The following RYR3 variants were observed in gnomAD, a reference collection of about 807,000 sequenced individuals.
RYR3 encodes ryanodine receptor 3.
Under a neutral mutation model 584.3 loss-of-function variants are expected in RYR3, and 207 were observed. The observed-to-expected ratio is 0.35, with a 90% confidence interval of 0.32 to 0.40. RYR3 has a LOEUF of 0.40. RYR3 is among the 10% of genes least tolerant of loss of function. The pLI is 1.00. For synonymous variants in RYR3, 2,416 were observed against 2,248.5 expected, an observed-to-expected ratio of 1.07 and a Z score of -2.11; for missense variants, 5,616 against 6,089.2, an observed-to-expected ratio of 0.92 and a Z score of 2.59.
intron 1 of RYR3, among the ~76,000 whole-genome samples, chr15:33,448,704 G>T (rs1176237198): frequency 6.6e-6 from 1 of 152,200 alleles, no homozygotes; most frequent in Non-Finnish European, 1.5e-5. Context: ...GTGCAGTTGG[G>T]CTCCTGGGGA....
intron 32 of RYR3, among the ~76,000 whole-genome samples, chr15:33,653,703 T>C (rs1595990668): frequency 6.6e-6 from 1 of 152,148 alleles, no homozygotes; most frequent in African/African-American, 2.4e-5. Context: ...ATAAACAATG[T>C]GTTTCCTCAT....
intron 38 of RYR3, among the ~76,000 whole-genome samples, chr15:33,674,265 A>T (rs1287301018): frequency 6.6e-6 from 1 of 152,346 alleles, no homozygotes; most frequent in African/African-American, 2.4e-5. Flanking sequence ...GAGATAACTT[A>T]GTAGTAAGTA....
At chr15:33,758,803 G>T (rs1490888192) in intron 60 of RYR3, among the ~76,000 whole-genome samples, 1 of 152,230 alleles carries the variant, frequency 6.6e-6, no homozygotes, top group Non-Finnish European at 1.5e-5. Flanking sequence ...CTAAGGGACA[G>T]ACTGCCTCCT....
In RYR3 at chr15:33,724,060, C is replaced by T; in HGVS notation, c.6801-5C>T. ...CTCACACCTCCCCTCTGTTGGTTCT[C>T]TCAGCAGCACGGGGGACGATGAAGA... On this transcript the variant is annotated splice_polypyrimidine_tract_variant and splice_region_variant and intron_variant, in intron 44 of 103. Transcript: ENST00000634891. 1 of 1,573,330 alleles carries T rather than the reference C, an allele frequency of 6.4e-7. No individual in the cohort carries two copies. Among genetic ancestry groups the T allele is most frequent in the Non-Finnish European group, 8.7e-7 (1 of 1,143,534 alleles).
chr15:33,455,584 C>T (rs2047483789), intron 1 of RYR3, among the ~76,000 whole-genome samples: 1 of 152,114 alleles, frequency 6.6e-6, no homozygotes, highest in Admixed American at 6.5e-5. Context: ...TCAAGTAAGA[C>T]AAGGTCAGAA....
chr15:33,317,768 A>T (rs1479655791), intron 1 of RYR3, among the ~76,000 whole-genome samples: 1 of 152,038 alleles, frequency 6.6e-6, no homozygotes, highest in African/African-American at 2.4e-5. Flanking sequence ...CCTCACATGC[A>T]CTTTTCCCCT....
At chr15:33,671,650 A>G (rs1566923999) in intron 38 of RYR3, among the ~76,000 whole-genome samples, 1 of 152,264 alleles carries the variant, frequency 6.6e-6, no homozygotes, top group East Asian at 1.9e-4. Context: ...AGGATGTGCC[A>G]GCAGCACTCT....
At chr15:33,780,121 T>C (rs1228534007) in intron 64 of RYR3, 90 bp from the exon 65 acceptor site, 2 of 1,501,034 alleles carry the variant, frequency 1.3e-6, no homozygotes, top group Non-Finnish European at 1.8e-6. Context: ...GGGATGTCCA[T>C]GGATTAATCT....
intron 36 of RYR3, among the ~76,000 whole-genome samples, chr15:33,664,612 T>TATATATATATATATAC (rs1407475350): frequency 2.1e-5 from 3 of 141,972 alleles, no homozygotes; most frequent in African/African-American, 7.9e-5. Context: ...TATATATATA[T>TATATATATATATATAC]ATACGTATGT....
intron 27 of RYR3, among the ~76,000 whole-genome samples, chr15:33,639,097 G>C (rs546853108): frequency 1.6e-4 from 24 of 152,280 alleles, no homozygotes; most frequent in African/African-American, 5.8e-4. Context: ...TATGGGGTTT[G>C]AGCAGAGGAA....
At chr15:33,811,928 C>G (rs1249445181) in intron 72 of RYR3, among the ~76,000 whole-genome samples, 1 of 152,064 alleles carries the variant, frequency 6.6e-6, no homozygotes, top group Non-Finnish European at 1.5e-5. Flanking sequence ...AGATGGAGAA[C>G]TAAGCCAACA....
chr15:33,712,444 A>G (rs185134088), intron 43 of RYR3, among the ~76,000 whole-genome samples: 1 of 152,340 alleles, frequency 6.6e-6, no homozygotes, highest in African/African-American at 2.4e-5. Flanking sequence ...AGGATGTCAG[A>G]AGAAGCAAAA....
chr15:33,365,617 C>T (rs186954871), intron 1 of RYR3, among the ~76,000 whole-genome samples: 13 of 152,194 alleles, frequency 8.5e-5, no homozygotes, highest in African/African-American at 3.1e-4. Context: ...ATCTACTATA[C>T]AGCACAGCAC....
intron 98 of RYR3, among the ~76,000 whole-genome samples, chr15:33,857,248 C>T (rs2079777303): frequency 2.3e-4 from 1 of 4,398 alleles, no homozygotes; most frequent in African/African-American, 2.5e-4. Context: ...ATGGTGCTGG[C>T]AGCACCAGCA....
In RYR3 at chr15:33,865,340, TAAA is replaced by T; in HGVS notation, c.*122_*124del. 1 of 622,138 alleles carries T rather than the reference TAAA, an allele frequency of 1.6e-6. No individual in the cohort carries two copies. Among genetic ancestry groups the T allele is most frequent in the Non-Finnish European group, 2.6e-6 (1 of 380,094 alleles). 38.5% of individuals were successfully genotyped at this position (622,138 alleles called of 1,614,324 possible). A position where few individuals can be genotyped will look rare whatever the true frequency, so the allele number is the denominator to read the frequency against. ...TGTGACATTTTCTAAATGCCTCCCT[TAAA>T]AAAAAAACTGCTGAAAATCTGTGCT... On this transcript the variant is annotated 3_prime_UTR_variant, in exon 104 of 104. Transcript: ENST00000634891.
chr15:33,499,775 C>T (rs1427011302), intron 2 of RYR3, among the ~76,000 whole-genome samples: 1 of 152,174 alleles, frequency 6.6e-6, no homozygotes, highest in Non-Finnish European at 1.5e-5. Context: ...AATAGTCGAT[C>T]AGAGATTTGA....
chr15:33,474,579 A>G lies in RYR3; in HGVS notation c.171+1041A>G, dbSNP rs989012933. On this transcript the variant is annotated intron_variant, in intron 2 of 103. Transcript: ENST00000634891. ...TTAATTACATCTACAAAATACCTTC[A>G]CATCAAAACCTATGGTGTCGTTTGG... Among the ~76,000 whole-genome samples, 6 of 152,356 alleles carry G rather than the reference A, an allele frequency of 3.9e-5. No individual in the cohort carries two copies. The South Asian group carries it at 1.0e-3, about 26-fold the overall frequency.
At position 33,528,413 on chromosome 15, in the gene RYR3, G is replaced by T. The variant is rs147515885; in HGVS notation, c.280-2179G>T. The stretch of plus-strand genomic sequence containing the variant: ...TGCTCCTCTCTTACTATGGAGGTGT[G>T]TCAACAGTCCTACCAGAATGTTGTG... On this transcript the variant is annotated intron_variant, in intron 3 of 103. Transcript: ENST00000634891. Among the ~76,000 whole-genome samples the T allele has an allele frequency of 3.5e-3, 530 of 152,300 alleles. 5 individuals are homozygous for T. The highest frequency in any genetic ancestry group is 0.02 in the Middle Eastern group (6 of 294).
intron 5 of RYR3, among the ~76,000 whole-genome samples, chr15:33,534,842 A>G (rs1243075450): frequency 1.3e-5 from 2 of 152,204 alleles, no homozygotes; most frequent in South Asian, 2.1e-4. Flanking sequence ...AAAAATATTC[A>G]TGAACAATCT....
Sources: gnomAD v4.1 joint callset for allele counts (sites outside exome capture counted in the v4.1 genomes callset) on GRCh38, gnomAD v4.1.1 for gene constraint, MANE v1.5 for transcripts, NCBI Gene and HGNC (gene_info 2026-07-23, HGNC 2026-07-21) for gene names.